NDE1: variants seen among roughly 807,000 people sequenced by gnomAD.
The protein encoded by NDE1 is nudE neurodevelopment protein 1.
Under a neutral mutation model 43.4 loss-of-function variants are expected in NDE1, and 28 were observed. The observed-to-expected ratio is 0.65, with a 90% CI of 0.48 to 0.89. The LOEUF (loss-of-function observed/expected upper bound fraction) is 0.89. Among genes scored for constraint, NDE1 ranks in the 40% least tolerant of loss-of-function variants. The pLI, the probability that NDE1 is intolerant of heterozygous loss-of-function variation, is 0.00. For missense variants in NDE1, 441 were observed against 434.1 expected (o/e 1.02, Z -0.14); for synonymous variants, 184 against 172.0 (o/e 1.07, Z -0.55).
intron 1 of NDE1, 90 bp from the exon 2 acceptor site, chr16:15,664,646 C>T (rs940172935): frequency 1.0e-5 from 8 of 776,218 alleles, no homozygotes; most frequent in East Asian, 7.3e-5. Flanking sequence ...TGAGCCACCG[C>T]GCCTGGCCAA....
rs376565831 is a variant in NDE1, at chr16:15,720,144, C to A, written c.948-4047C>A. 13 of 1,614,122 alleles carry A rather than the reference C, an allele frequency of 8.1e-6. No individual in the cohort carries two copies. Among genetic ancestry groups the A allele is most frequent in the Non-Finnish European group, 8.5e-6 (10 of 1,180,022 alleles). ...CACCCATGCCCCAAGCTCCTAGTGT[C>A]ACCCACCTGCAGTTTGCGTAGCTGC... On this transcript the variant is annotated intron_variant, in intron 8 of 8. Transcript: ENST00000396354.
chr16:15,699,640 A>T, intron 8 of NDE1: 1 of 1,278,452 alleles, frequency 7.8e-7, no homozygotes, highest in Non-Finnish European at 1.0e-6. Context: ...CTGACTCTTG[A>T]TGTTCACCCT....
At position 15,701,773 on chromosome 16, in the gene NDE1, CAG is replaced by C. The variant is rs768051365; in HGVS notation, c.947+4915_947+4916del. Reference sequence around the variant, plus strand: ...AACAGCAAAAATTTCAGGTTGAAAACAGAACTTTCCAAGTGCTACTGAAATTC... The same window carrying C: ...AACAGCAAAAATTTCAGGTTGAAAACAACTTTCCAAGTGCTACTGAAATTC... On this transcript the variant is annotated intron_variant, in intron 8 of 8. Coordinates refer to ENST00000396354, the MANE Select transcript of NDE1 (RefSeq NM_017668.3). 3.3e-5 allele frequency: 5 copies of C among 152,286 alleles called. No individual in the cohort carries two copies. In the South Asian group the frequency reaches 6.2e-4, roughly 19 times the overall value. The allele number at this position is 152,286 out of a possible 1,614,324, so 9.4% of individuals were successfully genotyped here. A position where few individuals can be genotyped will look rare whatever the true frequency, so the allele number is the denominator to read the frequency against.
upstream of NDE1, among the ~76,000 whole-genome samples, chr16:15,648,906 G>C (rs781476595): frequency 2.0e-5 from 3 of 151,886 alleles, no homozygotes; most frequent in Non-Finnish European, 4.4e-5. Flanking sequence ...TAAAAATCAC[G>C]ATCTTCAGGC....
rs1458822869 is a variant in NDE1, at chr16:15,687,435, T to G, written c.447T>G (p.Asn149Lys). The G allele has an allele frequency of 6.2e-7, 1 of 1,614,062 alleles. No individual in the cohort carries two copies. The highest frequency in any genetic ancestry group is 1.3e-5 in the African/African-American group (1 of 74,918). Residue 149 changes from asparagine (N) to lysine (K), a missense_variant, in exon 5 of 9, where the codon AAT becomes AAG. Physicochemically the swap from Asn to Lys is moderately conservative, Grantham distance 94. Coordinates refer to ENST00000396354, the MANE Select transcript of NDE1 (RefSeq NM_017668.3). ...GCTTGAATCAGGCCATCGAAAGAAA[T>G]GCCTTCCTGGAAAGTGAACTTGATG... ...EQRLNQAIER[N>K]AFLESELDEK...
chr16:15,681,319 G>C lies in NDE1; in HGVS notation c.386+3370G>C, dbSNP rs192628753. Among the ~76,000 whole-genome samples the C allele has an allele frequency of 2.6e-5, 3 of 116,090 alleles. 1 individual carries two copies. Among genetic ancestry groups the C allele is most frequent in the African/African-American group, 1.0e-4 (3 of 29,322 alleles). The allele number at this position is 116,090 out of a possible 152,430, so 76.2% of individuals were successfully genotyped here. A position where few individuals can be genotyped will look rare whatever the true frequency, so the allele number is the denominator to read the frequency against. On this transcript the variant is annotated intron_variant, in intron 4 of 8. Transcript: ENST00000396354. ...CTCGCTCCATTGCCCAGAGTAGAGT[G>C]CCATGGTGCAATTACAGCTCACTGG...
intron 8 of NDE1, 167 bp from the exon 9 acceptor site, chr16:15,724,019 CAAGAT>C (rs964425072): frequency 4.7e-5 from 67 of 1,426,942 alleles, no homozygotes; most frequent in African/African-American, 4.0e-4. Flanking sequence ...TCGCCCAAGA[CAAGAT>C]AAGACAGCCT....
At position 15,669,423 on chromosome 16, in the gene NDE1, G is replaced by A. The variant is rs1326579393; in HGVS notation, c.237+1984G>A. Among the ~76,000 whole-genome samples, 75 of 147,194 alleles carry A rather than the reference G, an allele frequency of 5.1e-4. No individual in the cohort carries two copies. In the Middle Eastern group the frequency reaches 0.025, roughly 49 times the overall value. ...TGTTGCCAGGCTGGAGTGCAGTGGCGTAATCCCGGCTCACTGCAACCTCCA... is the reference window on the plus strand; with the variant it reads ...TGTTGCCAGGCTGGAGTGCAGTGGCATAATCCCGGCTCACTGCAACCTCCA... On this transcript the variant is annotated intron_variant, in intron 3 of 8. Coordinates refer to ENST00000396354, the MANE Select transcript of NDE1 (RefSeq NM_017668.3).
rs544006687 is a variant in NDE1 at position 15,687,950 on chromosome 16, G to C, written c.523+439G>C. Among the ~76,000 whole-genome samples, 3 of 152,212 alleles carry C rather than the reference G, an allele frequency of 2.0e-5. No individual in the cohort carries two copies. The East Asian group carries it at 5.8e-4, about 30-fold the overall frequency. ...TAATCCCAGCACTTTGGGAGGCCGA[G>C]GATCTCTTGAGCCCAGGAGTTTGAG... On this transcript the variant is annotated intron_variant, in intron 5 of 8. Transcript: ENST00000396354.
chr16:15,671,535 A>G (rs1441966542), intron 3 of NDE1, among the ~76,000 whole-genome samples: 1 of 152,074 alleles, frequency 6.6e-6, no homozygotes, highest in South Asian at 2.1e-4. Flanking sequence ...GTGGTTGTTT[A>G]GAACACACAT....
intron 8 of NDE1, chr16:15,700,440 C>CT (rs35417898): frequency 0.13 from 17,191 of 137,006 alleles, 2,009 homozygotes; most frequent in African/African-American, 0.31. Flanking sequence ...CCTGATTGGT[C>CT]TTTTTTTTTT....
chr16:15,680,294 G>T (rs115878362), intron 4 of NDE1, among the ~76,000 whole-genome samples: 3 of 152,130 alleles, frequency 2.0e-5, no homozygotes, highest in Non-Finnish European at 2.9e-5. Context: ...TTCAGAATGT[G>T]GGGGGGCCCA....
chr16:15,663,279 G>A (rs1373692925), intron 1 of NDE1, among the ~76,000 whole-genome samples: 5 of 144,318 alleles, frequency 3.5e-5, no homozygotes, highest in Admixed American at 7.1e-5. Flanking sequence ...TCATTCTGTC[G>A]CCCAGTCTGG....
At chr16:15,674,335 C>T (rs2037756091) in intron 3 of NDE1, among the ~76,000 whole-genome samples, 2 of 152,110 alleles carry the variant, frequency 1.3e-5, no homozygotes, top group Non-Finnish European at 1.5e-5. Context: ...CCTCCGCCTC[C>T]TGGGTTCAAG....
intron 3 of NDE1, among the ~76,000 whole-genome samples, chr16:15,672,185 A>G (rs1273998951): frequency 1.3e-5 from 2 of 152,068 alleles, no homozygotes; most frequent in African/African-American, 4.8e-5. Context: ...CTGTAATGCC[A>G]GCACTTTGGG....
rs556212853 is a variant in NDE1, at chr16:15,715,427, G to A, written c.948-8764G>A. Among the ~76,000 whole-genome samples, 7 of 152,300 alleles carry A rather than the reference G, an allele frequency of 4.6e-5. No individual in the cohort carries two copies. The South Asian group carries it at 1.5e-3, about 32-fold the overall frequency. On this transcript the variant is annotated intron_variant, in intron 8 of 8. Coordinates refer to ENST00000396354, the MANE Select transcript of NDE1 (RefSeq NM_017668.3). The stretch of plus-strand genomic sequence containing the variant: ...AGATGGTGGAATAGTATTCAGCCAT[G>A]AAAAGGAATAAAGTATCAATGCATG...
At chr16:15,677,201 C>T (rs536057252) in intron 3 of NDE1, among the ~76,000 whole-genome samples, 1 of 152,018 alleles carries the variant, frequency 6.6e-6, no homozygotes, top group East Asian at 1.9e-4. Context: ...TTGACTGAGC[C>T]TGGCTTGTCT....
At chr16:15,720,248 T>G in intron 8 of NDE1, 2 of 1,614,096 alleles carry the variant, frequency 1.2e-6, no homozygotes, top group Non-Finnish European at 1.7e-6. Context: ...CAGCTTCTTC[T>G]TTGCTGCAGC....
At chr16:15,660,715 TC>T (rs2037001161) in intron 1 of NDE1, among the ~76,000 whole-genome samples, 1 of 152,160 alleles carries the variant, frequency 6.6e-6, no homozygotes, top group African/African-American at 2.4e-5. Context: ...TGACCGACTT[TC>T]GCTCAGCCTT....
Sources: allele counts gnomAD v4.1 joint callset (sites outside exome capture counted in the v4.1 genomes callset), GRCh38; gene constraint gnomAD v4.1.1; transcripts MANE v1.5; gene names NCBI Gene and HGNC (gene_info 2026-07-23, HGNC 2026-07-21).